The following GNAQ variants were observed in gnomAD, a reference collection of about 807,000 sequenced individuals.
The protein encoded by GNAQ is G protein subunit alpha q.
Under a neutral mutation model 43.9 loss-of-function variants are expected in GNAQ, and 8 were observed. That is an observed-to-expected ratio of 0.18 (90% confidence interval 0.11 to 0.33). The LOEUF (loss-of-function observed/expected upper bound fraction) is 0.33, where lower values mean the gene tolerates loss of function less well. Among genes scored for constraint, GNAQ ranks in the 10% least tolerant of loss-of-function variants. The pLI is 1.00. For synonymous variants in GNAQ, 155 were observed against 170.7 expected, an observed-to-expected ratio of 0.91 and a Z score of 0.71; for missense variants, 158 against 450.8, an observed-to-expected ratio of 0.35 and a Z score of 5.88.
chr9:77,841,966 T>A (rs1029065303), intron 2 of GNAQ, among the ~76,000 whole-genome samples: 1 of 152,196 alleles, frequency 6.6e-6, no homozygotes, highest in Admixed American at 6.5e-5. Flanking sequence ...TTTTGTATGA[T>A]CTATGCCAAA....
intron 5 of GNAQ, among the ~76,000 whole-genome samples, chr9:77,732,013 C>T (rs1253480804): frequency 6.6e-6 from 1 of 152,106 alleles, no homozygotes; most frequent in African/African-American, 2.4e-5. Flanking sequence ...TTATCAAGCC[C>T]CGGACTAAAT....
intron 1 of GNAQ, among the ~76,000 whole-genome samples, chr9:77,968,369 T>G (rs546863871): frequency 6.6e-6 from 1 of 152,328 alleles, no homozygotes; most frequent in African/African-American, 2.4e-5. Flanking sequence ...ATTATATTCC[T>G]TTTTTCATTA....
intron 1 of GNAQ, among the ~76,000 whole-genome samples, chr9:78,028,320 T>C (rs56224002): frequency 0.034 from 5,118 of 152,142 alleles, 128 homozygotes; most frequent in Non-Finnish European, 0.049. Flanking sequence ...TAAAAATATA[T>C]AATATATAAG....
chr9:77,949,466 C>G (rs556726248), intron 1 of GNAQ, among the ~76,000 whole-genome samples: 1 of 152,150 alleles, frequency 6.6e-6, no homozygotes, highest in Non-Finnish European at 1.5e-5. Flanking sequence ...AGAGGGCTCC[C>G]AGCAAATATG....
At chr9:77,903,321 T>G (rs909493130) in intron 2 of GNAQ, among the ~76,000 whole-genome samples, 1 of 152,178 alleles carries the variant, frequency 6.6e-6, no homozygotes, top group African/African-American at 2.4e-5. Flanking sequence ...AGCATGGGTG[T>G]TGGACGCTAG....
At chr9:78,002,126 TCAAC>T (rs1170679132) in intron 1 of GNAQ, among the ~76,000 whole-genome samples, 1 of 152,166 alleles carries the variant, frequency 6.6e-6, no homozygotes, top group African/African-American at 2.4e-5. Flanking sequence ...ACATTAGCAG[TCAAC>T]CATTCCACAT....
intron 2 of GNAQ, among the ~76,000 whole-genome samples, chr9:77,869,035 T>A (rs1287681693): frequency 2.6e-5 from 4 of 152,130 alleles, no homozygotes; most frequent in Non-Finnish European, 5.9e-5. Flanking sequence ...GGGGACAAGT[T>A]ATATTTAGGG....
At chr9:77,841,143 CACAT>C (rs1040706130) in intron 2 of GNAQ, among the ~76,000 whole-genome samples, 4 of 94,080 alleles carry the variant, frequency 4.3e-5, no homozygotes, top group Admixed American at 1.3e-4. Context: ...AGCACAGACA[CACAT>C]ACAAAGAATT....
intron 1 of GNAQ, among the ~76,000 whole-genome samples, chr9:77,929,056 T>C (rs1852752915): frequency 3.3e-5 from 5 of 152,190 alleles, no homozygotes; most frequent in Admixed American, 3.3e-4. Flanking sequence ...TTATGGTATA[T>C]AAATATCTCA....
chr9:77,937,950 T>C (rs1320636470), intron 1 of GNAQ, among the ~76,000 whole-genome samples: 1 of 152,120 alleles, frequency 6.6e-6, no homozygotes, highest in African/African-American at 2.4e-5. Context: ...GCTAAATGCA[T>C]TCCTTCTTGT....
rs1388740639 is a variant in GNAQ, at chr9:77,815,607, G to T, written c.476+9C>A. The T allele has an allele frequency of 1.9e-6, 3 of 1,582,276 alleles. No individual in the cohort carries two copies. Among genetic ancestry groups the T allele is most frequent in the East Asian group, 2.2e-5 (1 of 44,610 alleles). On this transcript the variant is annotated intron_variant, in intron 3 of 6. Coordinates refer to ENST00000286548, the MANE Select transcript of GNAQ (RefSeq NM_002072.5). The stretch of plus-strand genomic sequence containing the variant: ...AAAAATCCATAGGGCCACCTGGAAA[G>T]ATACTCACTATTTGGTAGAGTCAGA...
intron 5 of GNAQ, among the ~76,000 whole-genome samples, chr9:77,745,798 A>C (rs1369172398): frequency 1.3e-5 from 2 of 152,068 alleles, no homozygotes; most frequent in Admixed American, 1.3e-4. Flanking sequence ...TCTTCAGCTA[A>C]AAGACGTTAT....
intron 5 of GNAQ, among the ~76,000 whole-genome samples, chr9:77,735,279 T>TTATTAATAATGC (rs1276333791): frequency 1.3e-5 from 2 of 152,222 alleles, no homozygotes; most frequent in Non-Finnish European, 2.9e-5. Flanking sequence ...ACAGATTACT[T>TTATTAATAATGC]TATTAAAGGT....
At chr9:77,880,246 CCTGT>C (rs1828187445) in intron 2 of GNAQ, among the ~76,000 whole-genome samples, 1 of 152,102 alleles carries the variant, frequency 6.6e-6, no homozygotes, top group South Asian at 2.1e-4. Flanking sequence ...AGAAATATGT[CCTGT>C]CTGATTCTTT....
At chr9:77,879,345 C>T (rs1210078702) in intron 2 of GNAQ, among the ~76,000 whole-genome samples, 1 of 152,122 alleles carries the variant, frequency 6.6e-6, no homozygotes, top group African/African-American at 2.4e-5. Flanking sequence ...CTCACTGCAA[C>T]CTCCGCCTCC....
intron 5 of GNAQ, among the ~76,000 whole-genome samples, chr9:77,732,882 A>G (rs183088933): frequency 1.3e-5 from 2 of 152,258 alleles, no homozygotes; most frequent in Admixed American, 1.3e-4. Context: ...GGGCTGCCAG[A>G]AGTAGGTCCT....
chr9:77,753,905 C>T (rs1825857134), intron 5 of GNAQ, among the ~76,000 whole-genome samples: 1 of 152,146 alleles, frequency 6.6e-6, no homozygotes. Context: ...TACTTGCTTG[C>T]CTGTCAGGAA....
intron 5 of GNAQ, among the ~76,000 whole-genome samples, chr9:77,756,247 C>T (rs1052499405): frequency 1.3e-5 from 2 of 152,222 alleles, no homozygotes; most frequent in African/African-American, 4.8e-5. Context: ...ATGTATACAT[C>T]TATCCTATTA....
chr9:78,012,972 C>G (rs1823792212), intron 1 of GNAQ, among the ~76,000 whole-genome samples: 1 of 152,130 alleles, frequency 6.6e-6, no homozygotes, highest in Non-Finnish European at 1.5e-5. Flanking sequence ...CAAATATTAA[C>G]TTGATGCTAG....
Sources: gnomAD v4.1 joint callset for allele counts (sites outside exome capture counted in the v4.1 genomes callset) on GRCh38, gnomAD v4.1.1 for gene constraint, MANE v1.5 for transcripts, NCBI Gene and HGNC (gene_info 2026-07-23, HGNC 2026-07-21) for gene names.